DPP10: variants seen among roughly 807,000 people sequenced by gnomAD.
DPP10 encodes inactive dipeptidyl peptidase 10.
In DPP10, 33 loss-of-function variants were observed where a neutral mutation model predicts 120.9. The observed-to-expected ratio is 0.27, with a 90% CI of 0.21 to 0.37. DPP10 has a LOEUF of 0.37. DPP10 is among the 10% of genes least tolerant of loss of function. DPP10 has a pLI of 1.00. For missense variants in DPP10, 816 were observed against 942.8 expected (o/e 0.87, Z 1.76); for synonymous variants, 337 against 326.1 (o/e 1.03, Z -0.36).
intron 15 of DPP10, among the ~76,000 whole-genome samples, chr2:115,778,930 T>A (rs1682436498): frequency 6.6e-6 from 1 of 152,148 alleles, no homozygotes; most frequent in South Asian, 2.1e-4. Flanking sequence ...ATTCGGGATC[T>A]TGATCAAAGT....
intron 20 of DPP10, among the ~76,000 whole-genome samples, 176 bp downstream of exon 20, chr2:115,815,163 A>T (rs902164107): frequency 2.0e-4 from 30 of 152,150 alleles, no homozygotes; most frequent in African/African-American, 6.8e-4. Context: ...CCTTAGTGCT[A>T]TAATAAAAGA....
rs374483755 is a variant in DPP10 at position 115,817,225 on chromosome 2, C to T, written c.1950+1496C>T. 2.2e-4 allele frequency among the ~76,000 whole-genome samples: 33 copies of T among 148,596 alleles called. No individual in the cohort carries two copies. In the East Asian group the frequency reaches 2.3e-3, roughly 10 times the overall value. On this transcript the variant is annotated intron_variant, in intron 21 of 25. Coordinates refer to ENST00000410059, the MANE Select transcript of DPP10 (RefSeq NM_020868.6). The stretch of plus-strand genomic sequence containing the variant: ...TCGAGCCACCGCACTCCAGCCTGGG[C>T]GACAGAGCGAGACTCCGTCTCAAAA...
At chr2:115,842,132 C>T (rs1275140932) in intron 25 of DPP10, 79 bp from the exon 26 acceptor site, 47 of 1,426,748 alleles carry the variant, frequency 3.3e-5, no homozygotes, top group Admixed American at 8.6e-5. Flanking sequence ...GTTTCCATGA[C>T]GTTAGGGCTC....
chr2:115,048,173 C>T (rs1266566789), intron 1 of DPP10, among the ~76,000 whole-genome samples: 1 of 152,072 alleles, frequency 6.6e-6, no homozygotes, highest in Non-Finnish European at 1.5e-5. Flanking sequence ...TATATGCTCC[C>T]AACATATGTA....
At position 115,608,532 on chromosome 2, in the gene DPP10, G is replaced by A. The variant is rs2083865294; in HGVS notation, c.442-81155G>A. 3.9e-5 allele frequency among the ~76,000 whole-genome samples: 6 copies of A among 152,274 alleles called. No homozygotes were observed. The South Asian group carries it at 1.2e-3, about 32-fold the overall frequency. On this transcript the variant is annotated intron_variant, in intron 5 of 25. Coordinates refer to ENST00000410059, the MANE Select transcript of DPP10 (RefSeq NM_020868.6). ...AAGAGAAAAGATGCGACATTGCCAT[G>A]TAGTTGTTCCAAATAAAATGGGGAC... is the stretch of plus-strand genomic sequence containing the variant.
intron 21 of DPP10, 40 bp from the exon 22 acceptor site, chr2:115,836,117 G>T (rs1392647739): frequency 2.5e-5 from 22 of 891,414 alleles, no homozygotes; most frequent in Middle Eastern, 5.3e-4. Flanking sequence ...GTGTGTGTGT[G>T]AGATATATAT....
In DPP10 at chr2:114,633,080, G is replaced by A. The variant is rs951166833; in HGVS notation, c.60+190242G>A. Among the ~76,000 whole-genome samples the A allele has an allele frequency of 1.1e-4, 16 of 151,526 alleles. 1 individual carries two copies. Among genetic ancestry groups the A allele is most frequent in the African/African-American group, 3.7e-4 (15 of 41,014 alleles). On this transcript the variant is annotated intron_variant, in intron 1 of 25. Coordinates refer to ENST00000410059, the MANE Select transcript of DPP10 (RefSeq NM_020868.6). ...AGAAAACAAAATCTGGGTGCTAGAT[G>A]TGCTTACTGCTATTGGGATGTCATT...
intron 1 of DPP10, among the ~76,000 whole-genome samples, chr2:115,107,564 G>T (rs915854075): frequency 1.3e-5 from 2 of 150,460 alleles, no homozygotes; most frequent in Non-Finnish European, 2.9e-5. Context: ...ACTCAGATTA[G>T]CTAGCTAGCT....
At chr2:115,336,855 G>T (rs1228369175) in intron 2 of DPP10, among the ~76,000 whole-genome samples, 1 of 151,838 alleles carries the variant, frequency 6.6e-6, no homozygotes, top group Non-Finnish European at 1.5e-5. Flanking sequence ...CCTTCTCGTT[G>T]TTCAGTGTGA....
chr2:115,263,126 T>C (rs1303528388), intron 1 of DPP10, among the ~76,000 whole-genome samples: 1 of 152,186 alleles, frequency 6.6e-6, no homozygotes, highest in African/African-American at 2.4e-5. Flanking sequence ...TACAAAATAC[T>C]AGGAAGAGAT....
intron 1 of DPP10, among the ~76,000 whole-genome samples, chr2:114,699,349 A>G (rs558401089): frequency 6.6e-6 from 1 of 152,168 alleles, no homozygotes; most frequent in Non-Finnish European, 1.5e-5. Flanking sequence ...GCACAAGAAC[A>G]TATTTTGATA....
At chr2:115,809,650 G>C (rs1372229469) in intron 19 of DPP10, among the ~76,000 whole-genome samples, 3 of 152,072 alleles carry the variant, frequency 2.0e-5, no homozygotes, top group African/African-American at 7.2e-5. Flanking sequence ...TCGTGCAACT[G>C]AGCGAACCTG....
intron 3 of DPP10, among the ~76,000 whole-genome samples, chr2:115,358,965 C>T (rs1193405359): frequency 1.3e-5 from 2 of 152,148 alleles, no homozygotes; most frequent in African/African-American, 4.8e-5. Flanking sequence ...CACCGGATCC[C>T]TCCCGTGGCA....
At chr2:115,496,536 T>A (rs1189332702) in intron 3 of DPP10, among the ~76,000 whole-genome samples, 3 of 152,180 alleles carry the variant, frequency 2.0e-5, no homozygotes, top group Non-Finnish European at 2.9e-5. Flanking sequence ...TCACCCCTAA[T>A]AACAACCTAT....
intron 1 of DPP10, among the ~76,000 whole-genome samples, chr2:115,056,287 A>G (rs1182494115): frequency 6.6e-6 from 1 of 152,212 alleles, no homozygotes; most frequent in African/African-American, 2.4e-5. Context: ...GAATAGACCC[A>G]GAGTCATTGA....
intron 3 of DPP10, among the ~76,000 whole-genome samples, chr2:115,461,347 A>G (rs1047009443): frequency 6.6e-5 from 10 of 152,130 alleles, no homozygotes; most frequent in Admixed American, 5.2e-4. Flanking sequence ...TACTGTTAAC[A>G]TGGGTAGATT....
At chr2:115,760,349 A>G (rs1355102356) in intron 11 of DPP10, among the ~76,000 whole-genome samples, 5 of 152,320 alleles carry the variant, frequency 3.3e-5, no homozygotes, top group East Asian at 1.9e-4. Flanking sequence ...CATGATTTCA[A>G]TTATCTGATT....
chr2:114,606,858 CTT>C (rs1391621099), intron 1 of DPP10, among the ~76,000 whole-genome samples: 1 of 152,164 alleles, frequency 6.6e-6, no homozygotes, highest in Non-Finnish European at 1.5e-5. Flanking sequence ...GTATTTGAGA[CTT>C]AGTGTGGTTA....
intron 19 of DPP10, among the ~76,000 whole-genome samples, chr2:115,802,726 T>C (rs1685414885): frequency 6.6e-6 from 1 of 152,140 alleles, no homozygotes; most frequent in African/African-American, 2.4e-5. Flanking sequence ...TTAGTTTCCA[T>C]GTAGTTGAGC....
Sources: gnomAD v4.1 joint callset for allele counts (sites outside exome capture counted in the v4.1 genomes callset) on GRCh38, gnomAD v4.1.1 for gene constraint, MANE v1.5 for transcripts, NCBI Gene and HGNC (gene_info 2026-07-23, HGNC 2026-07-21) for gene names.